Variants in SP2 observed in about 807,000 individuals in gnomAD.
SP2 encodes transcription factor Sp2.
In SP2, 9 loss-of-function variants were observed where a neutral mutation model predicts 50.1. The observed-to-expected ratio is 0.18, with a 90% CI of 0.11 to 0.31. The LOEUF is 0.31. SP2 is among the 10% of genes least tolerant of loss of function. The pLI is 1.00. For missense variants in SP2, 581 were observed against 806.5 expected (o/e 0.72, Z 3.39); for synonymous variants, 313 against 326.6 (o/e 0.96, Z 0.45).
At position 47,927,738 on chromosome 17, in the gene SP2, G is replaced by A. The variant is rs771830248; in HGVS notation, c.1756G>A (p.Glu586Lys). The change falls in exon 7 of 7, where the codon GAG becomes AAG. Residue 586 changes from glutamate (E) to lysine (K), a missense_variant. By Grantham distance (56) the Glu-to-Lys change is moderately conservative (BLOSUM62 1). Around this residue, in one of 2 missense-constraint regions of SP2, gnomAD observed 184 missense variants for 315.5 expected, o/e 0.58. Transcript: ENST00000376741. The part of the protein sequence containing the change: ...ARTHTGDKRF[E>K]CAQCQKRFMR... ...CCTCTTCCCAGGGGACAAACGCTTC[G>A]AGTGCGCCCAGTGTCAGAAGCGCTT... is the stretch of plus-strand genomic sequence containing the variant. 1.5e-5 allele frequency: 23 copies of A among 1,586,198 alleles called. No homozygotes were observed. Among genetic ancestry groups the A allele is most frequent in the Non-Finnish European group, 1.7e-6 (2 of 1,165,464 alleles).
chr17:47,917,218 C>G, intron 3 of SP2, 88 bp downstream of exon 3: 6 of 1,345,606 alleles, frequency 4.5e-6, no homozygotes, highest in Non-Finnish European at 6.1e-6. Flanking sequence ...CATCTCCCAG[C>G]TTGATCTGAC....
At chr17:47,905,965 G>A (rs1217273640) in intron 1 of SP2, among the ~76,000 whole-genome samples, 2 of 152,220 alleles carry the variant, frequency 1.3e-5, no homozygotes, top group African/African-American at 4.8e-5. Flanking sequence ...AGTTGGAAGG[G>A]AAAGAGGTCA....
In SP2 at chr17:47,915,340, T is replaced by A; in HGVS notation, c.36T>A (p.Ala12=). 1 of 1,613,380 alleles carries A rather than the reference T, an allele frequency of 6.2e-7. No homozygotes were observed. Among genetic ancestry groups the A allele is most frequent in the Middle Eastern group, 1.7e-4 (1 of 6,060 alleles). Reference sequence around the variant, plus strand: ...CACAGACCAGCATGGCTGCCACTGCTGCTGTGAGTCCCAGTGACTACCTGC... The same window carrying A: ...CACAGACCAGCATGGCTGCCACTGCAGCTGTGAGTCCCAGTGACTACCTGC... ...SDPQTSMAAT[A]AVSPSDYLQP... Residue 12 remains alanine (A), a synonymous_variant, in exon 2 of 7, where the codon GCT becomes GCA. Coordinates refer to ENST00000376741, the MANE Select transcript of SP2 (RefSeq NM_003110.6).
At chr17:47,901,628 C>T (rs368259363) in intron 1 of SP2, among the ~76,000 whole-genome samples, 5 of 152,078 alleles carry the variant, frequency 3.3e-5, no homozygotes, top group African/African-American at 1.2e-4. Context: ...TGATGAGAGG[C>T]GTGCGCTTTG....
At chr17:47,908,954 C>T (rs1479119336) in intron 1 of SP2, among the ~76,000 whole-genome samples, 2 of 152,182 alleles carry the variant, frequency 1.3e-5, no homozygotes, top group African/African-American at 2.4e-5. Flanking sequence ...TTAAGTGATT[C>T]CAGAGAAGGG....
downstream of SP2, chr17:47,929,003 G>GA (rs1271081581): frequency 2.0e-5 from 3 of 152,658 alleles, no homozygotes; most frequent in Non-Finnish European, 4.4e-5. Flanking sequence ...AGAGCTCGGA[G>GA]AGGGGACTCC....
intron 1 of SP2, among the ~76,000 whole-genome samples, chr17:47,904,570 G>T (rs111994792): frequency 1.4e-4 from 21 of 151,868 alleles, no homozygotes; most frequent in Non-Finnish European, 2.1e-4. Flanking sequence ...ATGGCGGAGT[G>T]GGGGGAGATG....
intron 1 of SP2, among the ~76,000 whole-genome samples, chr17:47,896,584 G>A (rs893179107): frequency 2.0e-5 from 3 of 152,160 alleles, no homozygotes; most frequent in Non-Finnish European, 4.4e-5. Context: ...AGCGGGCACC[G>A]GGGTGGCCTG....
At chr17:47,908,859 A>G (rs1215118484) in intron 1 of SP2, among the ~76,000 whole-genome samples, 2 of 152,052 alleles carry the variant, frequency 1.3e-5, no homozygotes, top group Non-Finnish European at 2.9e-5. Context: ...CCGGCCATGA[A>G]TAAAAATCTT....
intron 1 of SP2, among the ~76,000 whole-genome samples, chr17:47,896,835 G>A (rs944148016): frequency 6.6e-5 from 10 of 152,208 alleles, no homozygotes; most frequent in Non-Finnish European, 1.0e-4. Flanking sequence ...GCTCGGCATC[G>A]ACGACAGCCC....
At chr17:47,898,162 C>T (rs1409663811) in intron 1 of SP2, 1 of 152,240 alleles carries the variant, frequency 6.6e-6, no homozygotes, top group Admixed American at 6.5e-5. Context: ...TTTGGCATCA[C>T]TCTGGACAGC....
In SP2 at chr17:47,923,041, C is replaced by T. The variant is rs889426703; in HGVS notation, c.1139C>T (p.Ser380Phe). 1.9e-6 allele frequency: 3 copies of T among 1,614,210 alleles called. No individual in the cohort carries two copies. Among genetic ancestry groups the T allele is most frequent in the African/African-American group, 2.7e-5 (2 of 75,050 alleles). ...DSPPATAAAT[S>F]NTTCSSPASR... The stretch of plus-strand genomic sequence containing the variant: ...CCCCCAGCAACAGCTGCAGCCACCT[C>T]TAACACCACCTGTAGCAGCCCTGCA... Residue 380 changes from serine to phenylalanine, a missense_variant, in exon 4 of 7, where the codon TCT becomes TTT. Transcript: ENST00000376741.
At chr17:47,910,022 G>A (rs2034919855) in intron 1 of SP2, among the ~76,000 whole-genome samples, 1 of 151,966 alleles carries the variant, frequency 6.6e-6, no homozygotes, top group South Asian at 2.1e-4. Context: ...TAATTTTTTT[G>A]TATTTTTAGT....
intron 6 of SP2, among the ~76,000 whole-genome samples, chr17:47,925,905 CTTTTTTTTTTTTTTTTTTT>C (rs71141942): frequency 9.5e-5 from 8 of 84,424 alleles, no homozygotes; most frequent in Non-Finnish European, 1.7e-4. Context: ...TTGTTTATGC[CTTTTTTTTTTTTTTTTTTT>C]TTTTTTTTTG....
At chr17:47,904,249 T>C (rs1211964488) in intron 1 of SP2, among the ~76,000 whole-genome samples, 1 of 133,076 alleles carries the variant, frequency 7.5e-6, no homozygotes, top group Non-Finnish European at 1.6e-5. Context: ...TGGGTGACAG[T>C]GAGACTCTGT....
At position 47,928,239 on chromosome 17, in the gene SP2, G is replaced by A; in HGVS notation, c.*415G>A. 1 of 163,752 alleles carries A rather than the reference G, an allele frequency of 6.1e-6. No homozygotes were observed. The highest frequency in any genetic ancestry group is 6.3e-5 in the Admixed American group (1 of 15,926). 10.1% of individuals were successfully genotyped at this position (163,752 alleles called of 1,614,324 possible). On this transcript the variant is annotated 3_prime_UTR_variant, in exon 7 of 7. Coordinates refer to ENST00000376741, the MANE Select transcript of SP2 (RefSeq NM_003110.6). ...ATGCCCCCTCTCCTGCACCTCCCTG[G>A]CCCTGCCGGCCACTGTGGACGCCCT...
At chr17:47,915,667 G>A (rs747811104) in intron 2 of SP2, among the ~76,000 whole-genome samples, 8 of 152,298 alleles carry the variant, frequency 5.3e-5, no homozygotes, top group Non-Finnish European at 8.8e-5. Flanking sequence ...TCTCGAAAGT[G>A]TAGCCCTCCC....
rs1405695202 is a variant in SP2, at chr17:47,916,473, G to A, written c.402G>A (p.Ala134=). Residue 134 remains alanine, a synonymous_variant, in exon 3 of 7, where the codon GCG becomes GCA. Coordinates refer to ENST00000376741, the MANE Select transcript of SP2 (RefSeq NM_003110.6). The surrounding 1 kb of genome is among the most constrained non-coding windows in gnomAD (Gnocchi z 4.7). ...CAAATGCCAATATCCAGTACCAGGC[G>A]GTCCCTCAGATTCAGGCAAGCAATT... ...TRSNANIQYQ[A]VPQIQASNSQ... 11 of 1,613,958 alleles carry A rather than the reference G, an allele frequency of 6.8e-6. No homozygotes were observed. The highest frequency in any genetic ancestry group is 4.5e-5 in the East Asian group (2 of 44,874).
chr17:47,912,385 A>C (rs1354338765), intron 1 of SP2, among the ~76,000 whole-genome samples: 1 of 151,100 alleles, frequency 6.6e-6, no homozygotes, highest in Non-Finnish European at 1.5e-5. Flanking sequence ...CATTTAAGGC[A>C]CTGGTGTGCT....
Sources: gnomAD v4.1 joint callset for allele counts (sites outside exome capture counted in the v4.1 genomes callset) on GRCh38, gnomAD v4.1.1 for gene constraint, gnomAD v4.1.1 regional missense constraint, Gnocchi (gnomAD v3.1) non-coding constraint, MANE v1.5 for transcripts, NCBI Gene and HGNC (gene_info 2026-07-23, HGNC 2026-07-21) for gene names.